SLC38A12: variants seen among roughly 807,000 people sequenced by gnomAD.
The protein encoded by SLC38A12 is solute carrier family 38 member 12.
the SLC38A12 span, among the ~76,000 whole-genome samples, chr17:74,788,623 G>A: frequency 6.6e-6 from 1 of 152,230 alleles, no homozygotes; most frequent in Non-Finnish European, 1.5e-5. Context: ...CAACGTCAAA[G>A]CATGCACACC....
the SLC38A12 span, among the ~76,000 whole-genome samples, chr17:74,791,913 G>A: frequency 5.3e-5 from 8 of 152,212 alleles, no homozygotes; most frequent in East Asian, 3.8e-4. Flanking sequence ...TTGGGAGGCC[G>A]AGGCAGGCGG....
At chr17:74,834,979 G>A in the SLC38A12 span, among the ~76,000 whole-genome samples, 3 of 152,236 alleles carry the variant, frequency 2.0e-5, no homozygotes, top group Non-Finnish European at 2.9e-5. Context: ...CCTTGTCCCT[G>A]CGGTGCGCAG....
the SLC38A12 span, among the ~76,000 whole-genome samples, chr17:74,810,395 G>A: frequency 6.6e-6 from 1 of 152,068 alleles, no homozygotes; most frequent in African/African-American, 2.4e-5. Context: ...GGGAAGATCA[G>A]GGGGAGCCAA....
the SLC38A12 span, chr17:74,777,363 C>A: frequency 2.5e-6 from 4 of 1,614,232 alleles, no homozygotes; most frequent in Non-Finnish European, 3.4e-6. Flanking sequence ...CCGGGGAACT[C>A]TACTCTTCCT....
chr17:74,836,004 T>G, the SLC38A12 span: 2 of 1,611,934 alleles, frequency 1.2e-6, no homozygotes, highest in Admixed American at 3.3e-5. The surrounding 1 kb of genome is among the most constrained non-coding windows in gnomAD (Gnocchi z 4.2). Context: ...CCTGGCTGAC[T>G]TCTCGGGGGT....
At chr17:74,836,705 C>A in the SLC38A12 span, 10 of 1,572,520 alleles carry the variant, frequency 6.4e-6, no homozygotes, top group African/African-American at 1.2e-4. This position sits in a 1 kb window ranked among gnomAD's most constrained non-coding sequence, Gnocchi z 4.2. Context: ...ACAGGCAGGT[C>A]TAGTGACAGG....
the SLC38A12 span, among the ~76,000 whole-genome samples, chr17:74,811,657 GTTGCCGCGAGCCAAGA>G: frequency 6.6e-6 from 1 of 152,192 alleles, no homozygotes; most frequent in South Asian, 2.1e-4. Context: ...GGAGGTGGAG[GTTGCCGCGAGCCAAGA>G]TCACACCACT....
the SLC38A12 span, among the ~76,000 whole-genome samples, chr17:74,798,365 C>G: frequency 6.6e-6 from 1 of 152,188 alleles, no homozygotes; most frequent in Admixed American, 6.5e-5. Context: ...CAGGGCTGGC[C>G]TGTGTGTAGC....
the SLC38A12 span, among the ~76,000 whole-genome samples, chr17:74,827,645 G>C: frequency 6.6e-6 from 1 of 152,200 alleles, no homozygotes; most frequent in Non-Finnish European, 1.5e-5. The surrounding 1 kb of genome is among the most constrained non-coding windows in gnomAD (Gnocchi z 4.7). Context: ...AGATTACACA[G>C]TTAAGTGGCA....
At chr17:74,838,713 A>G in the SLC38A12 span, 1 of 1,439,278 alleles carries the variant, frequency 6.9e-7, no homozygotes, top group Non-Finnish European at 9.1e-7. Flanking sequence ...CTCTCCATCG[A>G]TGCCAGGCTT....
chr17:74,836,014 T>C, the SLC38A12 span: 1 of 1,611,346 alleles, frequency 6.2e-7, no homozygotes, highest in East Asian at 2.2e-5. This position sits in a 1 kb window ranked among gnomAD's most constrained non-coding sequence, Gnocchi z 4.2. Context: ...TTCTCGGGGG[T>C]CCGGAACCTG....
the SLC38A12 span, among the ~76,000 whole-genome samples, chr17:74,783,196 G>A: frequency 1.6e-4 from 24 of 152,206 alleles, no homozygotes; most frequent in African/African-American, 3.9e-4. Context: ...TCAGACTCAC[G>A]TCAGAGATAA....
At chr17:74,824,810 C>T in the SLC38A12 span, among the ~76,000 whole-genome samples, 3 of 152,174 alleles carry the variant, frequency 2.0e-5, no homozygotes, top group Non-Finnish European at 4.4e-5. Context: ...ATGAAGTTCT[C>T]GGCCCCACTC....
the SLC38A12 span, chr17:74,795,607 G>A: frequency 5.1e-4 from 826 of 1,614,032 alleles, 8 homozygotes; most frequent in Middle Eastern, 3.3e-4. Flanking sequence ...CCCCTGCGCC[G>A]AGTGGACGCC....
chr17:74,836,035 G>T, the SLC38A12 span: 1 of 1,612,786 alleles, frequency 6.2e-7, no homozygotes. The surrounding 1 kb of genome is among the most constrained non-coding windows in gnomAD (Gnocchi z 4.2). Flanking sequence ...TTTGGGGTGT[G>T]CGTCTACTCC....
chr17:74,790,039 G>A, the SLC38A12 span, among the ~76,000 whole-genome samples: 12 of 150,486 alleles, frequency 8.0e-5, no homozygotes, highest in South Asian at 1.9e-3. Context: ...CTGCAGCCTC[G>A]ATCTCCTGGG....
the SLC38A12 span, chr17:74,819,601 A>C: frequency 1.5e-6 from 1 of 671,508 alleles, no homozygotes; most frequent in Non-Finnish European, 2.6e-6. Flanking sequence ...ACCCAAGGTG[A>C]CCCCAGGGAG....
the SLC38A12 span, among the ~76,000 whole-genome samples, chr17:74,798,488 AC>A: frequency 6.6e-4 from 101 of 152,048 alleles, no homozygotes; most frequent in South Asian, 3.1e-3. Flanking sequence ...GTGCCTGACG[AC>A]CCTTGTCCAT....
At chr17:74,838,859 A>G in the SLC38A12 span, 3 of 1,531,076 alleles carry the variant, frequency 2.0e-6, no homozygotes, top group South Asian at 3.6e-5. Flanking sequence ...AAAGTAGGCA[A>G]GCTCAGCTTG....
Sources: gnomAD v4.1 joint callset for allele counts (sites outside exome capture counted in the v4.1 genomes callset) on GRCh38, gnomAD v4.1.1 for gene constraint, Gnocchi (gnomAD v3.1) non-coding constraint, MANE v1.5 for transcripts, NCBI Gene and HGNC (gene_info 2026-07-23, HGNC 2026-07-21) for gene names.